ATXN3: variants seen among roughly 807,000 people sequenced by gnomAD.
The protein encoded by ATXN3 is ataxin 3.
Under a neutral mutation model 58.2 loss-of-function variants are expected in ATXN3, and 28 were observed. The observed-to-expected ratio is 0.48, with a 90% CI of 0.36 to 0.66. ATXN3 has a LOEUF of 0.66. Among genes scored for constraint, ATXN3 ranks in the 30% least tolerant of loss-of-function variants. ATXN3 has a pLI of 0.00. For synonymous variants in ATXN3, 113 were observed against 138.5 expected (o/e 0.82, Z 1.29); for missense variants, 321 against 422.1 (o/e 0.76, Z 2.10).
In ATXN3 at chr14:92,059,999, G is replaced by C. The variant is rs1209311670; in HGVS notation, c.*4321C>G. 2.0e-5 allele frequency: 3 copies of C among 148,776 alleles called. No homozygotes were observed. In the Admixed American group the frequency reaches 2.0e-4, roughly 10 times the overall value. The allele number at this position is 148,776 out of a possible 1,614,324, so 9.2% of individuals were successfully genotyped here. Reference sequence around the variant, plus strand: ...CAACCTCCACCTCCTGGGTTTAAACGATTCTCCTGCCTCAGCCTCCCAAGT... The same window carrying C: ...CAACCTCCACCTCCTGGGTTTAAACCATTCTCCTGCCTCAGCCTCCCAAGT... On this transcript the variant is annotated 3_prime_UTR_variant, in exon 11 of 11. Coordinates refer to ENST00000644486, the MANE Select transcript of ATXN3 (RefSeq NM_004993.6).
At chr14:92,079,397 A>C (rs1387468800) in intron 9 of ATXN3, 1 of 951,562 alleles carries the variant, frequency 1.1e-6, no homozygotes, top group Non-Finnish European at 1.3e-6. Flanking sequence ...TACTGAATAA[A>C]GACTAGAAAT....
At chr14:92,080,902 A>G in intron 9 of ATXN3, 63 bp downstream of exon 9, 1 of 1,300,336 alleles carries the variant, frequency 7.7e-7, no homozygotes, top group Non-Finnish European at 1.1e-6. Context: ...ACCATTTACA[A>G]ATAGACAAAA....
At chr14:92,051,455 C>G (rs983964292), upstream of ATXN3, among the ~76,000 whole-genome samples, 2 of 152,060 alleles carry the variant, frequency 1.3e-5, no homozygotes, top group African/African-American at 4.8e-5. Flanking sequence ...TCCTGCTCTA[C>G]TCTACTCTGA....
At chr14:92,096,623 C>CAGAA (rs1555406977) in intron 2 of ATXN3, 51 bp downstream of exon 2, 1 of 1,011,018 alleles carries the variant, frequency 9.9e-7, no homozygotes, top group African/African-American at 2.2e-5. Flanking sequence ...GACTCCGTCT[C>CAGAA]AAAAAAAAAA....
intron 7 of ATXN3, among the ~76,000 whole-genome samples, 183 bp from the exon 8 acceptor site, chr14:92,082,649 CTTTTTTTTTTT>C (rs34366039): frequency 7.5e-6 from 1 of 132,914 alleles, no homozygotes; most frequent in African/African-American, 2.8e-5. Context: ...TTTTCCGTTT[CTTTTTTTTTTT>C]TTTTTTGAGA....
rs2057628814 is a variant in ATXN3 at position 92,059,828 on chromosome 14, A to AG, written c.*4491_*4492insC. On this transcript the variant is annotated 3_prime_UTR_variant, in exon 11 of 11. Transcript: ENST00000644486. ...GCTAGACTCCGTCTCAGAAAAAAAA[A>AG]AAAAGAAAGAAAGAAAGAAAGAAAA... 7.0e-6 allele frequency: 1 copy of AG among 142,180 alleles called. No homozygotes were observed. Among genetic ancestry groups the AG allele is most frequent in the Admixed American group, 7.0e-5 (1 of 14,358 alleles). The allele number at this position is 142,180 out of a possible 1,614,324, so 8.8% of individuals were successfully genotyped here.
At position 92,059,829 on chromosome 14, in the gene ATXN3, A is replaced by G. The variant is rs558890121; in HGVS notation, c.*4491T>C. On this transcript the variant is annotated 3_prime_UTR_variant, in exon 11 of 11. Transcript: ENST00000644486. ...CTAGACTCCGTCTCAGAAAAAAAAA[A>G]AAAGAAAGAAAGAAAGAAAGAAAAA... 9.5e-5 allele frequency: 14 copies of G among 147,066 alleles called. 1 individual carries two copies. Among genetic ancestry groups the G allele is most frequent in the Non-Finnish European group, 1.8e-4 (12 of 67,488 alleles). The allele number at this position is 147,066 out of a possible 1,614,324, so 9.1% of individuals were successfully genotyped here.
intron 5 of ATXN3, 72 bp downstream of exon 5, chr14:92,093,180 C>A: frequency 4.7e-6 from 5 of 1,052,840 alleles, no homozygotes; most frequent in Non-Finnish European, 5.6e-6. Context: ...AGCCACCACA[C>A]CTGGCCCACA....
chr14:92,064,385 G>C lies in ATXN3; in HGVS notation c.1021C>G (p.Gln341Glu). 1.2e-6 allele frequency: 2 copies of C among 1,612,908 alleles called. No homozygotes were observed. Among genetic ancestry groups the C allele is most frequent in the South Asian group, 2.2e-5 (2 of 90,832 alleles). ...GDAMSEEDML[Q>E]AAVTMSLETV... Reference sequence around the variant, plus strand: ...TCTAAAGACATGGTCACAGCTGCCTGAAGCATGTCTTCTTCACTCATAGCA... The same window carrying C: ...TCTAAAGACATGGTCACAGCTGCCTCAAGCATGTCTTCTTCACTCATAGCA... Residue 341 changes from glutamine (Q) to glutamate (E), a missense_variant, in exon 11 of 11, where the codon CAG (glutamine) becomes GAG (glutamate). Transcript: ENST00000644486.
intron 6 of ATXN3, among the ~76,000 whole-genome samples, chr14:92,088,528 T>C (rs1566959509): frequency 6.6e-6 from 1 of 152,178 alleles, no homozygotes; most frequent in Non-Finnish European, 1.5e-5. Flanking sequence ...GAAAGCAGCA[T>C]CCTCAGAAGA....
intron 10 of ATXN3, among the ~76,000 whole-genome samples, chr14:92,065,095 T>C (rs958344520): frequency 6.6e-6 from 1 of 152,218 alleles, no homozygotes; most frequent in African/African-American, 2.4e-5. Flanking sequence ...CTGCTATCGA[T>C]TTATATTCCC....
Position 92,077,810 on chromosome 14 carries a change from A to G in ATXN3, c.872+3155T>C, listed in dbSNP as rs1489991620. The stretch of plus-strand genomic sequence containing the variant: ...CAGGTGTGCACCACCATGCCCAACT[A>G]ATTTTTTTGTATTTTTAGTAGAGAC... On this transcript the variant is annotated intron_variant, in intron 9 of 10. Coordinates refer to ENST00000644486, the MANE Select transcript of ATXN3 (RefSeq NM_004993.6). Among the ~76,000 whole-genome samples, 4 of 150,262 alleles carry G rather than the reference A, an allele frequency of 2.7e-5. No homozygotes were observed. The East Asian group carries it at 5.9e-4, about 22-fold the overall frequency.
At chr14:92,048,240 T>G (rs1296179317) in intron 1 of ATXN3, among the ~76,000 whole-genome samples, 1 of 152,186 alleles carries the variant, frequency 6.6e-6, no homozygotes, top group Non-Finnish European at 1.5e-5. Context: ...TGGAAGGTCT[T>G]GTGTGCTGGA....
At chr14:92,102,417 G>C (rs1159283480) in intron 1 of ATXN3, among the ~76,000 whole-genome samples, 3 of 152,126 alleles carry the variant, frequency 2.0e-5, no homozygotes, top group Admixed American at 2.0e-4. Context: ...AATCACAAAA[G>C]AGAACTGCTA....
downstream of ATXN3, among the ~76,000 whole-genome samples, chr14:92,056,069 TCTGGAGAAGGCACGGAA>T (rs1310283518): frequency 6.6e-6 from 1 of 152,114 alleles, no homozygotes; most frequent in East Asian, 1.9e-4. Flanking sequence ...AAAAAATGGA[TCTGGAGAAGGCACGGAA>T]GCAATGGAGG....
intron 2 of ATXN3, among the ~76,000 whole-genome samples, chr14:92,045,767 T>A (rs2057424705): frequency 6.6e-6 from 1 of 152,148 alleles, no homozygotes; most frequent in Admixed American, 6.5e-5. Context: ...AGGAGATATT[T>A]TCCTTGGTCT....
chr14:92,072,950 G>A (rs1366751999), intron 9 of ATXN3, among the ~76,000 whole-genome samples: 1 of 152,218 alleles, frequency 6.6e-6, no homozygotes, highest in Non-Finnish European at 1.5e-5. Flanking sequence ...ATACTGACCT[G>A]TGTGTAGGTG....
At chr14:92,083,773 G>A (rs1254952642) in intron 6 of ATXN3, among the ~76,000 whole-genome samples, 1 of 152,166 alleles carries the variant, frequency 6.6e-6, no homozygotes, top group Non-Finnish European at 1.5e-5. Context: ...GTCTGCGAGG[G>A]TGTTGCCAAA....
rs752841021 is a variant in ATXN3 at position 92,065,836 on chromosome 14, G to A, written c.992-1422C>T. Among the ~76,000 whole-genome samples the A allele has an allele frequency of 1.2e-3, 189 of 152,196 alleles. 1 individual carries two copies. Among genetic ancestry groups the A allele is most frequent in the Middle Eastern group, 6.8e-3 (2 of 294 alleles). ...GCAGAGGTTGCAGTAAGCCGAGATGGCGCCACTGCACTCCAGCCTCAGTGA... is the reference window on the plus strand; with the variant it reads ...GCAGAGGTTGCAGTAAGCCGAGATGACGCCACTGCACTCCAGCCTCAGTGA... On this transcript the variant is annotated intron_variant, in intron 10 of 10. Coordinates refer to ENST00000644486, the MANE Select transcript of ATXN3 (RefSeq NM_004993.6).
Sources: gnomAD v4.1 joint callset for allele counts (sites outside exome capture counted in the v4.1 genomes callset) on GRCh38, gnomAD v4.1.1 for gene constraint, MANE v1.5 for transcripts, NCBI Gene and HGNC (gene_info 2026-07-23, HGNC 2026-07-21) for gene names.